The following GRIK1 variants were observed in gnomAD, a reference collection of about 807,000 sequenced individuals.
GRIK1 encodes the protein glutamate ionotropic receptor kainate type subunit 1.
GRIK1 carries 69 observed loss-of-function variants against 105.7 expected under a neutral mutation model. The observed-to-expected ratio is 0.65, with a 90% CI of 0.54 to 0.80. GRIK1 has a LOEUF of 0.80. GRIK1 is among the 30% of genes least tolerant of loss of function. GRIK1 has a pLI of 0.00. For synonymous variants in GRIK1, 438 were observed against 431.3 expected, an observed-to-expected ratio of 1.02 and a Z score of -0.19; for missense variants, 1,109 against 1,167.3, an observed-to-expected ratio of 0.95 and a Z score of 0.73.
rs141390059 is a variant in GRIK1 at position 29,785,397 on chromosome 21, T to C, written c.119-91334A>G. 3.2e-3 allele frequency among the ~76,000 whole-genome samples: 484 copies of C among 151,960 alleles called. 4 individuals are homozygous for C. Among genetic ancestry groups the C allele is most frequent in the African/African-American group, 0.011 (470 of 41,470 alleles). The stretch of plus-strand genomic sequence containing the variant: ...GGCCAAAGTGGTGAAACCCCATCTC[T>C]ACAAAAAATACAAAAAATTACCTGA... On this transcript the variant is annotated intron_variant, in intron 1 of 17. Transcript: ENST00000327783.
chr21:29,630,732 T>C (rs1224559407), intron 7 of GRIK1: 1 of 379,208 alleles, frequency 2.6e-6, no homozygotes, highest in African/African-American at 2.1e-5. Context: ...TAATAAATGA[T>C]TGTTGTTTTA....
chr21:29,890,211 A>G (rs181801927), intron 1 of GRIK1, among the ~76,000 whole-genome samples: 34 of 152,310 alleles, frequency 2.2e-4, no homozygotes, highest in African/African-American at 8.2e-4. Context: ...ATTAATTACA[A>G]ACTATGTTTC....
chr21:29,742,886 T>C (rs1194308367), intron 1 of GRIK1, among the ~76,000 whole-genome samples: 1 of 152,232 alleles, frequency 6.6e-6, no homozygotes, highest in East Asian at 1.9e-4. Flanking sequence ...CCTTAATTGC[T>C]TCTAAATTTC....
intron 1 of GRIK1, among the ~76,000 whole-genome samples, chr21:29,755,717 C>A (rs1366259474): frequency 2.0e-5 from 3 of 151,928 alleles, no homozygotes; most frequent in African/African-American, 7.3e-5. Flanking sequence ...GGAGAGAAAT[C>A]AAAAAATAGG....
chr21:29,829,165 G>A (rs979488333), intron 1 of GRIK1, among the ~76,000 whole-genome samples: 1 of 152,122 alleles, frequency 6.6e-6, no homozygotes, highest in African/African-American at 2.4e-5. Context: ...GGTAAAAACG[G>A]CATGCATTAG....
At chr21:29,605,981 A>T (rs962562508) in intron 7 of GRIK1, among the ~76,000 whole-genome samples, 3 of 150,436 alleles carry the variant, frequency 2.0e-5, no homozygotes, top group Non-Finnish European at 4.4e-5. Flanking sequence ...TGACTATTCT[A>T]TTTTTTAATA....
intron 1 of GRIK1, among the ~76,000 whole-genome samples, chr21:29,908,108 T>C (rs2070705795): frequency 6.6e-6 from 1 of 152,080 alleles, no homozygotes; most frequent in Non-Finnish European, 1.5e-5. Context: ...TTCTAAGGGT[T>C]TAAAAATACA....
chr21:29,541,575 C>CTGTTTTTTTTTTTTTTTTT, intron 16 of GRIK1, among the ~76,000 whole-genome samples: 1 of 95,972 alleles, frequency 1.0e-5, no homozygotes, highest in East Asian at 3.2e-4. Flanking sequence ...CACTCACGGT[C>CTGTTTTTTTTTTTTTTTTT]TTTTTTTTTT....
chr21:29,817,912 A>G (rs547939629), intron 1 of GRIK1, among the ~76,000 whole-genome samples: 15 of 152,086 alleles, frequency 9.9e-5, no homozygotes, highest in African/African-American at 3.4e-4. Flanking sequence ...CATTAAACAT[A>G]CTCCCTCATT....
intron 1 of GRIK1, among the ~76,000 whole-genome samples, chr21:29,862,969 A>G (rs973627439): frequency 6.6e-6 from 1 of 152,234 alleles, no homozygotes; most frequent in Admixed American, 6.5e-5. Context: ...GGACAACTGT[A>G]TAAAGATTTA....
At position 29,846,463 on chromosome 21, in the gene GRIK1, G is replaced by GAGAAAGAAAGAA. The variant is rs56303585; in HGVS notation, c.118+92908_118+92919dup. Among the ~76,000 whole-genome samples the GAGAAAGAAAGAA allele has an allele frequency of 6.7e-3, 858 of 127,968 alleles. 7 individuals carry two copies. The highest frequency in any genetic ancestry group is 8.4e-3 in the African/African-American group (263 of 31,146). 84.0% of individuals were successfully genotyped at this position (127,968 alleles called of 152,430 possible). A position where few individuals can be genotyped will look rare whatever the true frequency, so the allele number is the denominator to read the frequency against. ...AAAGAAGGAAAGAAGGAAAGAGAGA[G>GAGAAAGAAAGAA]AGAAAGAAAGAAAGAAAGAAAGAAA... On this transcript the variant is annotated intron_variant, in intron 1 of 17. Coordinates refer to ENST00000327783, the MANE Select transcript of GRIK1 (RefSeq NM_001330994.2).
chr21:29,736,468 A>T (rs2064794051), intron 1 of GRIK1, among the ~76,000 whole-genome samples: 1 of 152,090 alleles, frequency 6.6e-6, no homozygotes, highest in African/African-American at 2.4e-5. Context: ...ACTTCAAGTG[A>T]TCCTTCCTCC....
At chr21:29,572,774 T>C (rs1383138341) in intron 14 of GRIK1, among the ~76,000 whole-genome samples, 1 of 142,144 alleles carries the variant, frequency 7.0e-6, no homozygotes, top group South Asian at 2.1e-4. Context: ...CTTTTTTTTT[T>C]CTTCTTCTTT....
At chr21:29,586,780 C>T (rs2091139454) in intron 12 of GRIK1, among the ~76,000 whole-genome samples, 1 of 152,182 alleles carries the variant, frequency 6.6e-6, no homozygotes, top group Non-Finnish European at 1.5e-5. Context: ...AATGATAGCA[C>T]AAAGGTTTCA....
At chr21:29,888,631 C>T (rs115517569) in intron 1 of GRIK1, among the ~76,000 whole-genome samples, 586 of 152,204 alleles carry the variant, frequency 3.9e-3, no homozygotes, top group African/African-American at 0.013. Flanking sequence ...TGTGACTCAA[C>T]AGCTAACAAA....
chr21:29,577,241 A>G lies in GRIK1; in HGVS notation c.1913-60T>C, dbSNP rs984820431. ...ACAGTCAGAAGGAAAGGGAAGATGT[A>G]CAGTTCGACACTATTCTAGGAAGAT... is the stretch of plus-strand genomic sequence containing the variant. On this transcript the variant is annotated intron_variant, in intron 13 of 17. Coordinates refer to ENST00000327783, the MANE Select transcript of GRIK1 (RefSeq NM_001330994.2). 22 of 895,516 alleles carry G rather than the reference A, an allele frequency of 2.5e-5. No homozygotes were observed. The Admixed American group carries it at 3.8e-4, about 15-fold the overall frequency. The allele number at this position is 895,516 out of a possible 1,614,324, so 55.5% of individuals were successfully genotyped here.
chr21:29,856,653 T>C (rs1298220534), intron 1 of GRIK1, among the ~76,000 whole-genome samples: 1 of 152,216 alleles, frequency 6.6e-6, no homozygotes, highest in African/African-American at 2.4e-5. Context: ...CTTGCTCTTC[T>C]GGGGCTTACA....
chr21:29,884,929 C>T (rs147006589), intron 1 of GRIK1, among the ~76,000 whole-genome samples: 67 of 152,140 alleles, frequency 4.4e-4, no homozygotes, highest in African/African-American at 1.6e-3. Context: ...TACTGGTTCA[C>T]TTGGTGACGA....
chr21:29,865,795 T>A (rs1430926261), intron 1 of GRIK1, among the ~76,000 whole-genome samples: 1 of 152,252 alleles, frequency 6.6e-6, no homozygotes, highest in Non-Finnish European at 1.5e-5. Flanking sequence ...CGTATATTCT[T>A]TGACCAAGTC....
Sources: gnomAD v4.1 joint callset for allele counts (sites outside exome capture counted in the v4.1 genomes callset) on GRCh38, gnomAD v4.1.1 for gene constraint, MANE v1.5 for transcripts, NCBI Gene and HGNC (gene_info 2026-07-23, HGNC 2026-07-21) for gene names.